MAGI2: variants seen among roughly 807,000 people sequenced by gnomAD.
MAGI2 encodes the protein membrane-associated guanylate kinase, WW and PDZ domain-containing protein 2.
A neutral mutation model predicts 133.3 loss-of-function variants in MAGI2; 35 were observed. That is an observed-to-expected ratio of 0.26 (90% CI 0.20 to 0.35). The LOEUF is 0.35. Among genes scored for constraint, MAGI2 ranks in the 10% least tolerant of loss-of-function variants. MAGI2 has a pLI of 1.00. For missense variants in MAGI2, 1,636 were observed against 1,863.4 expected, an observed-to-expected ratio of 0.88 and a Z score of 2.25; for synonymous variants, 729 against 710.6, an observed-to-expected ratio of 1.03 and a Z score of -0.41.
chr7:78,145,857 T>A (rs538326772), intron 16 of MAGI2, among the ~76,000 whole-genome samples: 1 of 152,184 alleles, frequency 6.6e-6, no homozygotes, highest in East Asian at 1.9e-4. Flanking sequence ...AGGGCACCAA[T>A]CCCATCATTG....
intron 2 of MAGI2, among the ~76,000 whole-genome samples, chr7:78,980,522 C>T (rs1390150076): frequency 6.6e-6 from 1 of 151,770 alleles, no homozygotes; most frequent in Non-Finnish European, 1.5e-5. Flanking sequence ...GAGTTGAACT[C>T]AGAACGAAGG....
At chr7:79,177,296 T>C (rs1826186127) in intron 1 of MAGI2, 1 of 152,034 alleles carries the variant, frequency 6.6e-6, no homozygotes, top group African/African-American at 2.4e-5. Context: ...TTAAAAACAC[T>C]ATGGTAAGAC....
chr7:78,634,265 T>C (rs1809385503), intron 2 of MAGI2, among the ~76,000 whole-genome samples: 1 of 152,258 alleles, frequency 6.6e-6, no homozygotes, highest in Admixed American at 6.5e-5. Context: ...AAACAGCTAA[T>C]GCCTATGGCC....
intron 1 of MAGI2, among the ~76,000 whole-genome samples, chr7:79,236,045 C>G (rs980822041): frequency 6.6e-6 from 1 of 152,090 alleles, no homozygotes; most frequent in Non-Finnish European, 1.5e-5. Context: ...TGGGCATATG[C>G]TATATTATAT....
At chr7:78,418,538 GC>G (rs1798505996) in intron 6 of MAGI2, among the ~76,000 whole-genome samples, 1 of 152,076 alleles carries the variant, frequency 6.6e-6, no homozygotes, top group South Asian at 2.1e-4. Context: ...AGCACATGTG[GC>G]TATTGAGCAT....
At chr7:79,159,544 G>T (rs1162350179) in intron 1 of MAGI2, among the ~76,000 whole-genome samples, 21 of 147,974 alleles carry the variant, frequency 1.4e-4, no homozygotes, top group Admixed American at 1.3e-3. Context: ...AGAAGAAGAA[G>T]AAATTATAAT....
intron 4 of MAGI2, among the ~76,000 whole-genome samples, chr7:78,512,179 T>C (rs981337317): frequency 4.6e-5 from 7 of 151,680 alleles, no homozygotes; most frequent in Middle Eastern, 3.2e-3. Context: ...GGTGTGGCCT[T>C]TAAACAGTGT....
At position 78,852,355 on chromosome 7, in the gene MAGI2, A is replaced by AT. The variant is rs532458930; in HGVS notation, c.418+154734dup. On this transcript the variant is annotated intron_variant, in intron 2 of 21. Transcript: ENST00000354212. ...CAGATATTTCTCCAGTTTTCTCATG[A>AT]TTTTTTTCACGAACAGGAAACTTAA... Among the ~76,000 whole-genome samples, 324 of 151,862 alleles carry AT rather than the reference A, an allele frequency of 2.1e-3. 3 individuals carry two copies. The highest frequency in any genetic ancestry group is 7.5e-3 in the African/African-American group (311 of 41,422).
intron 1 of MAGI2, among the ~76,000 whole-genome samples, chr7:79,136,007 A>AAG (rs1562928809): frequency 4.1e-4 from 47 of 114,582 alleles, no homozygotes; most frequent in Admixed American, 1.8e-3. Flanking sequence ...AAGAAAGAGA[A>AAG]AGAAAGAAAG....
intron 6 of MAGI2, among the ~76,000 whole-genome samples, chr7:78,433,400 C>T (rs1335455356): frequency 6.6e-6 from 1 of 151,966 alleles, no homozygotes; most frequent in Non-Finnish European, 1.5e-5. Flanking sequence ...AGTCATTGTT[C>T]ATCTTATCTA....
Position 79,204,495 on chromosome 7 carries a change from C to A in MAGI2, c.302-197289G>T, listed in dbSNP as rs575275445. 2.0e-5 allele frequency among the ~76,000 whole-genome samples: 3 copies of A among 152,210 alleles called. 1 individual carries two copies. The South Asian group carries it at 6.2e-4, about 32-fold the overall frequency. On this transcript the variant is annotated intron_variant, in intron 1 of 21. Transcript: ENST00000354212. ...AGCATTTGCACAGGGCTTTCCCAGACATAGTTGCTAAAATAAGTACCACTT... is the reference window on the plus strand; with the variant it reads ...AGCATTTGCACAGGGCTTTCCCAGAAATAGTTGCTAAAATAAGTACCACTT...
chr7:78,991,643 G>C (rs1562759842), intron 2 of MAGI2, among the ~76,000 whole-genome samples: 1 of 148,846 alleles, frequency 6.7e-6, no homozygotes. Flanking sequence ...AATAGGCCAT[G>C]TGCTTGATAT....
chr7:79,020,084 C>T (rs998976721), intron 1 of MAGI2, among the ~76,000 whole-genome samples: 1 of 152,120 alleles, frequency 6.6e-6, no homozygotes, highest in African/African-American at 2.4e-5. Flanking sequence ...GTGATATGGA[C>T]AATGAAGTCC....
At chr7:78,262,800 T>C (rs1793637044) in intron 9 of MAGI2, among the ~76,000 whole-genome samples, 1 of 152,178 alleles carries the variant, frequency 6.6e-6, no homozygotes, top group African/African-American at 2.4e-5. Context: ...TTCTAGCTCT[T>C]GGATAACTTT....
At chr7:79,293,091 T>C (rs1049696407) in intron 1 of MAGI2, among the ~76,000 whole-genome samples, 2 of 152,180 alleles carry the variant, frequency 1.3e-5, no homozygotes. Flanking sequence ...TCTTTACTGT[T>C]TCAGTTGTTT....
rs893520699 is a variant in MAGI2 at position 79,440,585 on chromosome 7, G to C, written c.301+12435C>G. Among the ~76,000 whole-genome samples, 5 of 151,980 alleles carry C rather than the reference G, an allele frequency of 3.3e-5. No individual in the cohort carries two copies. In the East Asian group the frequency reaches 7.8e-4, roughly 24 times the overall value. ...CAAGATTACTCCTTATCTTGGTAAAGATACTCCTTATATTGGTAAAGAAAG... is the reference window on the plus strand; with the variant it reads ...CAAGATTACTCCTTATCTTGGTAAACATACTCCTTATATTGGTAAAGAAAG... On this transcript the variant is annotated intron_variant, in intron 1 of 21. Transcript: ENST00000354212.
rs534058925 is a variant in MAGI2 at position 79,071,473 on chromosome 7, C to T, written c.302-64267G>A. 1.2e-4 allele frequency among the ~76,000 whole-genome samples: 18 copies of T among 152,274 alleles called. No individual in the cohort carries two copies. In the South Asian group the frequency reaches 3.3e-3, roughly 28 times the overall value. On this transcript the variant is annotated intron_variant, in intron 1 of 21. Transcript: ENST00000354212. ...AGCCTGTCCCTTATCAGAGCTCGAA[C>T]GCTGTGCTGGGAGATCTGCTACTCT...
At chr7:78,221,676 G>T (rs1305103435) in intron 10 of MAGI2, among the ~76,000 whole-genome samples, 2 of 152,000 alleles carry the variant, frequency 1.3e-5, no homozygotes, top group Admixed American at 6.5e-5. Context: ...TATTATTAAT[G>T]ACAGTTAGAT....
intron 4 of MAGI2, among the ~76,000 whole-genome samples, chr7:78,520,830 A>G (rs1032842269): frequency 6.6e-6 from 1 of 152,192 alleles, no homozygotes; most frequent in Non-Finnish European, 1.5e-5. Flanking sequence ...TTGCTTGTAC[A>G]AGGTAGTGGC....
Sources: allele counts gnomAD v4.1 joint callset (sites outside exome capture counted in the v4.1 genomes callset), GRCh38; gene constraint gnomAD v4.1.1; transcripts MANE v1.5; gene names NCBI Gene and HGNC (gene_info 2026-07-23, HGNC 2026-07-21).